ZNF43: variants seen among roughly 807,000 people sequenced by gnomAD.
ZNF43 encodes zinc finger protein 39-like 1 (KOX 27).
In ZNF43, 44 loss-of-function variants were observed where a neutral mutation model predicts 68.4. The ratio of observed to expected loss-of-function variants is 0.64; its 90% confidence interval spans 0.51 to 0.83. The LOEUF (loss-of-function observed/expected upper bound fraction) is 0.83. Ranked by LOEUF, ZNF43 falls within the 40% of genes least tolerant of loss-of-function variation. The probability of loss-of-function intolerance (pLI) is 0.00; values close to 1 mark genes in which losing one functional copy is unlikely to be tolerated. For missense variants in ZNF43, 896 were observed against 933.2 expected (o/e 0.96, Z 0.52); for synonymous variants, 308 against 307.8 (o/e 1.00, Z -0.01).
At chr19:21,835,697 C>G (rs1385743402) in intron 1 of ZNF43, among the ~76,000 whole-genome samples, 1 of 152,112 alleles carries the variant, frequency 6.6e-6, no homozygotes, top group Non-Finnish European at 1.5e-5. Flanking sequence ...ACTAGAAATG[C>G]CACGGACCAA....
Position 21,844,921 on chromosome 19 carries a change from A to AAAATAT in ZNF43, c.30+6983_30+6984insATATTT, listed in dbSNP as rs1310761266. On this transcript the variant is annotated intron_variant, in intron 1 of 3. Transcript: ENST00000357491. ...CAAAAAAAAAAAAAAAAAAAAAAAA[A>AAAATAT]ATATATATATATATATATATATATA... 7.3e-3 allele frequency among the ~76,000 whole-genome samples: 191 copies of AAAATAT among 26,028 alleles called. 9 individuals carry two copies. The highest frequency in any genetic ancestry group is 8.5e-3 in the Non-Finnish European group (136 of 16,056). 17.1% of individuals were successfully genotyped at this position (26,028 alleles called of 152,430 possible).
chr19:21,807,475 A>G lies in ZNF43; in HGVS notation c.*132T>C. 4 of 884,732 alleles carry G rather than the reference A, an allele frequency of 4.5e-6. No homozygotes were observed. Among genetic ancestry groups the G allele is most frequent in the Non-Finnish European group, 6.6e-6 (4 of 609,392 alleles). The allele number at this position is 884,732 out of a possible 1,614,324, so 54.8% of individuals were successfully genotyped here. On this transcript the variant is annotated 3_prime_UTR_variant, in exon 4 of 4. Coordinates refer to ENST00000354959, the MANE Select transcript of ZNF43 (RefSeq NM_003423.4). ...GCAATAAGGTACGAGCATTAATTAA[A>G]AGTTTTGCCACATTCTTCACACTTG...
intron 1 of ZNF43, among the ~76,000 whole-genome samples, chr19:21,848,455 A>C (rs530362270): frequency 2.0e-5 from 3 of 152,264 alleles, no homozygotes; most frequent in East Asian, 1.9e-4. Flanking sequence ...CATATGTGAC[A>C]ATTTCTAATG....
intron 1 of ZNF43, among the ~76,000 whole-genome samples, chr19:21,849,673 C>T (rs115368414): frequency 0.016 from 2,367 of 151,586 alleles, 62 homozygotes; most frequent in African/African-American, 0.054. Flanking sequence ...GCCCAGGAGG[C>T]GGAGGTTGCA....
chr19:21,809,869 T>C (rs1041690159), intron 3 of ZNF43, 62 bp from the exon 4 acceptor site: 12 of 1,421,456 alleles, frequency 8.4e-6, no homozygotes, highest in Middle Eastern at 2.1e-4. Context: ...ATATACTTTA[T>C]GTAACATATA....
chr19:21,838,404 T>TTG (rs200442655), upstream of ZNF43, among the ~76,000 whole-genome samples: 52 of 138,368 alleles, frequency 3.8e-4, no homozygotes, highest in African/African-American at 1.3e-3. Context: ...TCTAAATTTT[T>TTG]TTTTTTTTTT....
At chr19:21,828,594 G>A (rs1008332580) in intron 1 of ZNF43, among the ~76,000 whole-genome samples, 4 of 152,118 alleles carry the variant, frequency 2.6e-5, no homozygotes, top group African/African-American at 9.7e-5. Context: ...GCACATGCCT[G>A]TAACCCCAGC....
chr19:21,849,639 A>C (rs1049212946), intron 1 of ZNF43, among the ~76,000 whole-genome samples: 3 of 150,602 alleles, frequency 2.0e-5, no homozygotes, highest in Admixed American at 1.3e-4. Flanking sequence ...GCAAAATCCT[A>C]TCTCTACTAA....
In ZNF43 at chr19:21,809,705, T is replaced by C. The variant is rs1215083474; in HGVS notation, c.332A>G (p.Asn111Ser). 1 of 1,613,412 alleles carries C rather than the reference T, an allele frequency of 6.2e-7. No homozygotes were observed. The highest frequency in any genetic ancestry group is 1.3e-5 in the African/African-American group (1 of 74,974). The change falls in exon 4 of 4, where the codon AAT becomes AGT. Residue 111 changes from asparagine (N) to serine (S), a missense_variant. By Grantham distance (46) the Asn-to-Ser change is conservative. Coordinates refer to ENST00000354959, the MANE Select transcript of ZNF43 (RefSeq NM_003423.4). ...TTTATGGTCTTTTTTTAAATGTACA[T>C]TTTTATGTTCACAGTTTTTATATCT... ...LRRYKNCEHK[N>S]VHLKKDHKSV...
upstream of ZNF43, among the ~76,000 whole-genome samples, chr19:21,836,477 T>TA (rs1192323120): frequency 2.6e-5 from 4 of 152,254 alleles, no homozygotes; most frequent in Non-Finnish European, 5.9e-5. Context: ...ATATGGATAC[T>TA]AAAAAATGAA....
chr19:21,809,812 AAAAAAT>A lies in ZNF43; in HGVS notation c.230-11_230-6del. 6.6e-7 allele frequency: 1 copy of A among 1,510,676 alleles called. No homozygotes were observed. Among genetic ancestry groups the A allele is most frequent in the Non-Finnish European group, 8.8e-7 (1 of 1,133,024 alleles). The allele number at this position is 1,510,676 out of a possible 1,614,324, so 93.6% of individuals were successfully genotyped here. A position where few individuals can be genotyped will look rare whatever the true frequency, so the allele number is the denominator to read the frequency against. On this transcript the variant is annotated splice_polypyrimidine_tract_variant and splice_region_variant and intron_variant, in intron 3 of 3. Transcript: ENST00000354959. ...GGGTAAAATGAGAACACATAACTGA[AAAAAAT>A]AAAAATAACAAATTATTCCACTTGC...
intron 1 of ZNF43, among the ~76,000 whole-genome samples, chr19:21,834,341 AAAAAAAAAAAAAGTAAAG>A (rs1048002504): frequency 6.6e-6 from 1 of 150,454 alleles, no homozygotes; most frequent in African/African-American, 2.4e-5. Context: ...GTCTCAAAAA[AAAAAAAAAAAAAGTAAAG>A]AAAAAAAGAA....
intron 1 of ZNF43, among the ~76,000 whole-genome samples, chr19:21,835,381 G>T (rs550346298): frequency 2.8e-5 from 4 of 144,894 alleles, no homozygotes; most frequent in African/African-American, 7.7e-5. Context: ...TTTTCCAGAG[G>T]GAGTTTCACT....
intron 1 of ZNF43, among the ~76,000 whole-genome samples, chr19:21,835,486 T>C (rs577467472): frequency 1.6e-4 from 24 of 150,310 alleles, no homozygotes; most frequent in African/African-American, 4.9e-4. Flanking sequence ...GCCTCCCTAG[T>C]AGCTGCGATT....
At position 21,815,486 on chromosome 19, in the gene ZNF43, CATAT is replaced by C. The variant is rs58951070; in HGVS notation, c.229+2398_229+2401del. Among the ~76,000 whole-genome samples, 340 of 139,304 alleles carry C rather than the reference CATAT, an allele frequency of 2.4e-3. 3 individuals carry two copies. Among genetic ancestry groups the C allele is most frequent in the South Asian group, 8.3e-3 (35 of 4,232 alleles). The allele number at this position is 139,304 out of a possible 152,430, so 91.4% of individuals were successfully genotyped here. On this transcript the variant is annotated intron_variant, in intron 3 of 3. Transcript: ENST00000354959. ...AAAGAATAGCCTTACAACTAAATTA[CATAT>C]ATATATATATATATATATTTTGCAG...
At position 21,817,903 on chromosome 19, in the gene ZNF43, C is replaced by T. The variant is rs757861001; in HGVS notation, c.214G>A (p.Val72Ile). The T allele has an allele frequency of 6.2e-7, 1 of 1,612,836 alleles. No individual in the cohort carries two copies. The highest frequency in any genetic ancestry group is 8.5e-7 in the Non-Finnish European group (1 of 1,179,236). ...TCTCACCTACCTGGGGGTTTGGCTA[C>T]CATTTCATGTCTCCTCATAGGCTCC... is the stretch of plus-strand genomic sequence containing the variant. Reference protein sequence around the residue: ...PWEPMRRHEMVAKPPVMCSHF... With the variant: ...PWEPMRRHEMIAKPPVMCSHF... The change falls in exon 3 of 4, where the codon GTA (valine) becomes ATA (isoleucine). Residue 72 changes from valine (V) to isoleucine (I), a missense_variant. Physicochemically the swap from Val to Ile is conservative, Grantham distance 29. Coordinates refer to ENST00000354959, the MANE Select transcript of ZNF43 (RefSeq NM_003423.4).
rs200943484 is a variant in ZNF43 at position 21,836,071 on chromosome 19, C to T, written c.-33G>A. On this transcript the variant is annotated 5_prime_UTR_variant, in exon 1 of 4. Coordinates refer to ENST00000354959, the MANE Select transcript of ZNF43 (RefSeq NM_003423.4). ...CTTCCGGGGGGTCCTGGCGTCTTAG[C>T]TGTGGATCCCCCAATACCCGCAGGT... The T allele has an allele frequency of 8.1e-6, 13 of 1,613,688 alleles. No individual in the cohort carries two copies. The highest frequency in any genetic ancestry group is 1.0e-5 in the Non-Finnish European group (12 of 1,179,702).
At chr19:21,831,064 A>G (rs1270984319) in intron 1 of ZNF43, among the ~76,000 whole-genome samples, 1 of 152,244 alleles carries the variant, frequency 6.6e-6, no homozygotes, top group Non-Finnish European at 1.5e-5. Flanking sequence ...CTTCATGTTA[A>G]AACCCTCAAC....
At chr19:21,834,436 T>G (rs1271677394) in intron 1 of ZNF43, among the ~76,000 whole-genome samples, 2 of 152,062 alleles carry the variant, frequency 1.3e-5, no homozygotes, top group Non-Finnish European at 2.9e-5. Context: ...TTTGCTTTCT[T>G]TTCAATATGG....
Sources: gnomAD v4.1 joint callset for allele counts (sites outside exome capture counted in the v4.1 genomes callset) on GRCh38, gnomAD v4.1.1 for gene constraint, MANE v1.5 for transcripts, NCBI Gene and HGNC (gene_info 2026-07-23, HGNC 2026-07-21) for gene names.